MYH7B: variants seen among roughly 807,000 people sequenced by gnomAD.
MYH7B encodes the protein myosin heavy chain 7B, also known as myosin-7B.
MYH7B carries 205 observed loss-of-function variants against 234.5 expected under a neutral mutation model. The observed-to-expected ratio is 0.87, with a 90% confidence interval of 0.78 to 0.98. The LOEUF (loss-of-function observed/expected upper bound fraction) is 0.98. Among genes scored for constraint, MYH7B ranks in the 50% least tolerant of loss-of-function variants. The pLI is 0.00. For missense variants in MYH7B, 2,652 were observed against 2,633.4 expected, an observed-to-expected ratio of 1.01 and a Z score of -0.15; for synonymous variants, 1,193 against 1,105.0, an observed-to-expected ratio of 1.08 and a Z score of -1.58.
chr20:34,957,581 C>G (rs1336394290), intron 1 of MYH7B, among the ~76,000 whole-genome samples: 1 of 148,238 alleles, frequency 6.7e-6, no homozygotes, highest in East Asian at 2.0e-4. Flanking sequence ...CCTCCACTTC[C>G]CAGGTTCAAG....
Position 34,999,759 on chromosome 20 carries a change from C to G in MYH7B, c.4666-32C>G, listed in dbSNP as rs201866508. ...GCTGCTCCACTGGCCATCCCCCCCC[C>G]CCACCCTACCCTGCCTGCTCTGTAT... On this transcript the variant is annotated intron_variant, in intron 37 of 44. Coordinates refer to ENST00000262873, the Ensembl canonical transcript of MYH7B. 277 of 1,245,700 alleles carry G rather than the reference C, an allele frequency of 2.2e-4. 3 individuals are homozygous for G. Among genetic ancestry groups the G allele is most frequent in the Middle Eastern group, 6.3e-4 (3 of 4,744 alleles). The allele number at this position is 1,245,700 out of a possible 1,614,324, so 77.2% of individuals were successfully genotyped here.
chr20:34,999,549 C>G (rs2082328278), intron 36 of MYH7B, 22 bp from the exon 37 acceptor site: 1 of 1,580,348 alleles, frequency 6.3e-7, no homozygotes, highest in Non-Finnish European at 8.6e-7. Flanking sequence ...GGGGTGGCCT[C>G]TCAGCACCCT....
chr20:34,980,340 G>C (rs2081923188), intron 7 of MYH7B: 1 of 442,482 alleles, frequency 2.3e-6, no homozygotes, highest in African/African-American at 2.0e-5. Context: ...CCTGACGTCA[G>C]AAGTTCGAGA....
At chr20:34,989,401 C>CT (rs759907538) in intron 19 of MYH7B, among the ~76,000 whole-genome samples, 1 of 152,104 alleles carries the variant, frequency 6.6e-6, no homozygotes, top group Non-Finnish European at 1.5e-5. Flanking sequence ...AACTTGATGG[C>CT]TTTTTTTGAC....
In MYH7B at chr20:34,984,837, C is replaced by G. The variant is rs768964631; in HGVS notation, c.649-17C>G. On this transcript the variant is annotated splice_polypyrimidine_tract_variant and intron_variant, in intron 11 of 44. Transcript: ENST00000262873. ...AGGCACCAGAACTGACAGACCCCCTCACCCCCACCGCCCCAGGGCACCCTT... is the reference window on the plus strand; with the variant it reads ...AGGCACCAGAACTGACAGACCCCCTGACCCCCACCGCCCCAGGGCACCCTT... The G allele has an allele frequency of 5.0e-6, 8 of 1,609,910 alleles. No individual in the cohort carries two copies. The South Asian group carries it at 8.8e-5, about 18-fold the overall frequency.
chr20:34,999,275 G>GCAGCGGGAGCTGGAGGCGGCA, exon 36 of MYH7B: 3 of 1,596,242 alleles, frequency 1.9e-6, no homozygotes, highest in Non-Finnish European at 2.6e-6. Flanking sequence ...AGGAGGAGAT[G>GCAGCGGGAGCTGGAGGCGGCA]CAGCGGGAGC....
chr20:34,995,588 G>A lies in MYH7B; in HGVS notation c.2943+10G>A, dbSNP rs764028058. The A allele has an allele frequency of 2.9e-5, 47 of 1,613,130 alleles. No individual in the cohort carries two copies. The highest frequency in any genetic ancestry group is 5.0e-5 in the Admixed American group (3 of 60,006). The stretch of plus-strand genomic sequence containing the variant: ...AGCCACTGAGAACAAGGTGTGGGCC[G>A]GGCCAGCTGTGGGGAAGGGCCCTGA... On this transcript the variant is annotated intron_variant, in intron 28 of 44. Coordinates refer to ENST00000262873, the Ensembl canonical transcript of MYH7B.
intron 43 of MYH7B, 144 bp from the exon 44 acceptor site, chr20:35,001,804 C>T: frequency 7.6e-7 from 1 of 1,312,796 alleles, no homozygotes; most frequent in Non-Finnish European, 1.0e-6. Context: ...CTTATTCCCG[C>T]TGTGGTATTG....
At chr20:34,994,474 A>G in intron 27 of MYH7B, 73 bp downstream of exon 27, 1 of 1,475,834 alleles carries the variant, frequency 6.8e-7, no homozygotes, top group Non-Finnish European at 9.0e-7. Context: ...GGGATAGTAC[A>G]GCGAGACCCA....
intron 14 of MYH7B, 100 bp downstream of exon 14, chr20:34,986,298 C>T: frequency 2.2e-6 from 2 of 919,676 alleles, no homozygotes; most frequent in South Asian, 1.4e-5. Context: ...GTCTTTCCCT[C>T]CCTGTCCTGG....
intron 10 of MYH7B, 51 bp downstream of exon 10, chr20:34,982,606 TTTTC>T (rs139613621): frequency 1.7e-5 from 24 of 1,410,748 alleles, no homozygotes; most frequent in Non-Finnish European, 2.2e-5. Flanking sequence ...GCTGTTTTTC[TTTTC>T]TTTCTTCCTC....
At chr20:34,961,646 C>T (rs538524024) in intron 2 of MYH7B, among the ~76,000 whole-genome samples, 9 of 152,294 alleles carry the variant, frequency 5.9e-5, no homozygotes, top group Admixed American at 4.6e-4. Context: ...GTAGATACTC[C>T]ACAATTCTCC....
chr20:34,983,298 C>CT (rs57589264), intron 10 of MYH7B, among the ~76,000 whole-genome samples: 2,774 of 71,380 alleles, frequency 0.039, 73 homozygotes, highest in African/African-American at 0.087. Flanking sequence ...CTTTTCTTTT[C>CT]TTTTTTTTTT....
rs1232103190 is a variant in MYH7B, at chr20:34,994,233, GC to G, written c.2534del (p.Pro845ArgfsTer71). The G allele has an allele frequency of 1.2e-6, 2 of 1,613,234 alleles. No homozygotes were observed. The highest frequency in any genetic ancestry group is 3.3e-5 in the Admixed American group (2 of 60,034). ...GGATGAAGCTCTTTTTCAAGATGAA[GC>G]CGCTGCTGCGCTCGGCGCAGGCTGA... On this transcript the variant is annotated frameshift_variant, in exon 27 of 45. Transcript: ENST00000262873. LOFTEE classifies it high-confidence loss of function.
intron 43 of MYH7B, 144 bp from the exon 44 acceptor site, chr20:35,001,804 C>A: frequency 7.6e-7 from 1 of 1,312,790 alleles, no homozygotes; most frequent in Non-Finnish European, 1.0e-6. Context: ...CTTATTCCCG[C>A]TGTGGTATTG....
chr20:34,981,854 GAAAAAAAAA>G (rs55752676), intron 9 of MYH7B: 40 of 65,948 alleles, frequency 6.1e-4, no homozygotes, highest in African/African-American at 1.1e-3. Context: ...TCCATCTCAC[GAAAAAAAAA>G]AAAAAAAAAA....
rs141998628 is a variant in MYH7B at position 34,957,777 on chromosome 20, A to C, written c.-336-321A>C. Among the ~76,000 whole-genome samples the C allele has an allele frequency of 9.0e-3, 1,368 of 152,342 alleles. 27 individuals are homozygous for C. Among genetic ancestry groups the C allele is most frequent in the African/African-American group, 0.031 (1,297 of 41,586 alleles). ...AGTGCTAGGATTACAGGCGTTAGCC[A>C]CTGCGCCCGGCCCCTTTTGACTCTT... On this transcript the variant is annotated intron_variant, in intron 1 of 44. Coordinates refer to ENST00000262873, the Ensembl canonical transcript of MYH7B.
Position 35,000,612 on chromosome 20 carries a change from C to G in MYH7B, c.5101C>G (p.Gln1701Glu), listed in dbSNP as rs1209615352. 5 of 1,573,138 alleles carry G rather than the reference C, an allele frequency of 3.2e-6. No homozygotes were observed. In the Admixed American group the frequency reaches 9.5e-5, roughly 30 times the overall value. The stretch of plus-strand genomic sequence containing the variant: ...GGAGGAGCTGCGGGCTGCCCTGGAG[C>G]AGGGCGAGCGCAGCCGGCGACTGGC... The change falls in exon 39 of 45, where the codon CAG (glutamine) becomes GAG (glutamate). Residue 1701 changes from glutamine to glutamate, a missense_variant. This residue lies in a region of MYH7B where 2,279 missense variants were observed against 2,211.4 expected (regional missense o/e 1.03). Transcript: ENST00000262873.
At position 34,994,476 on chromosome 20, in the gene MYH7B, C is replaced by T. The variant is rs73905030; in HGVS notation, c.2700+75C>T. 4,838 of 1,468,692 alleles carry T rather than the reference C, an allele frequency of 3.3e-3. 13 individuals carry two copies. The highest frequency in any genetic ancestry group is 4.0e-3 in the Non-Finnish European group (4,436 of 1,102,306). The allele number at this position is 1,468,692 out of a possible 1,614,324, so 91.0% of individuals were successfully genotyped here. ...CTGGCTGCTCTGAGGGATAGTACAG[C>T]GAGACCCATGGGGCTCAGGCCTTAT... On this transcript the variant is annotated intron_variant, in intron 27 of 44. Transcript: ENST00000262873.
Sources: allele counts gnomAD v4.1 joint callset (sites outside exome capture counted in the v4.1 genomes callset), GRCh38; gene constraint gnomAD v4.1.1; regional missense constraint gnomAD v4.1.1; transcripts MANE v1.5; gene names NCBI Gene and HGNC (gene_info 2026-07-23, HGNC 2026-07-21).